PLCH1: variants seen among roughly 807,000 people sequenced by gnomAD.
PLCH1 encodes the protein phospholipase C eta 1.
A neutral mutation model predicts 126.7 loss-of-function variants in PLCH1; 60 were observed. The observed-to-expected ratio is 0.47, with a 90% CI of 0.38 to 0.59. PLCH1 has a LOEUF of 0.59. Among genes scored for constraint, PLCH1 ranks in the 20% least tolerant of loss-of-function variants. PLCH1 has a pLI of 0.00. For synonymous variants in PLCH1, 719 were observed against 734.9 expected (o/e 0.98, Z 0.35); for missense variants, 1,723 against 2,040.0 (o/e 0.84, Z 2.99).
intron 2 of PLCH1, among the ~76,000 whole-genome samples, chr3:155,646,417 G>A (rs536893301): frequency 6.6e-6 from 1 of 152,224 alleles, no homozygotes; most frequent in Non-Finnish European, 1.5e-5. Flanking sequence ...ACAGCGACCA[G>A]CTAGTGTCAC....
Position 155,481,761 on chromosome 3 carries a change from T to G in PLCH1, c.4265A>C (p.Gln1422Pro). 1 of 1,614,202 alleles carries G rather than the reference T, an allele frequency of 6.2e-7. No individual in the cohort carries two copies. The highest frequency in any genetic ancestry group is 8.5e-7 in the Non-Finnish European group (1 of 1,180,006). ...CTGATAGGCTAGATAAGAAATACTTTGAGTTTTGACATCTTGAATATTGTT... is the reference window on the plus strand; with the variant it reads ...CTGATAGGCTAGATAAGAAATACTTGGAGTTTTGACATCTTGAATATTGTT... ...IFNNIQDVKTQSISYLAYQGA... is the reference protein window; with the variant it reads ...IFNNIQDVKTPSISYLAYQGA... The change falls in exon 23 of 23, where the codon CAA becomes CCA. Residue 1422 changes from glutamine (Q) to proline (P), a missense_variant. Gln to Pro is a moderately conservative substitution (Grantham distance 76). Coordinates refer to ENST00000460012, the MANE Select transcript of PLCH1 (RefSeq NM_014996.4). The surrounding 1 kb of genome is among the most constrained non-coding windows in gnomAD (Gnocchi z 4.2).
intron 14 of PLCH1, among the ~76,000 whole-genome samples, chr3:155,500,196 A>G (rs1169465962): frequency 2.0e-5 from 3 of 152,194 alleles, no homozygotes; most frequent in Non-Finnish European, 4.4e-5. Context: ...ACAAAAAAGA[A>G]CTTTTTTTGA....
chr3:155,640,282 ACCTCTTGTG>A (rs1470040978), intron 2 of PLCH1, among the ~76,000 whole-genome samples: 1 of 152,200 alleles, frequency 6.6e-6, no homozygotes, highest in Non-Finnish European at 1.5e-5. Flanking sequence ...CTCCCAGTTC[ACCTCTTGTG>A]AACCCTGGTC....
chr3:155,472,687 C>A (rs1161657068), intron 21 of PLCH1, among the ~76,000 whole-genome samples: 16 of 151,136 alleles, frequency 1.1e-4, no homozygotes, highest in African/African-American at 3.2e-4. Flanking sequence ...CAATAAAATA[C>A]TGGCAAAACG....
chr3:155,560,915 T>C (rs1267993168), intron 8 of PLCH1, among the ~76,000 whole-genome samples: 1 of 152,182 alleles, frequency 6.6e-6, no homozygotes, highest in Non-Finnish European at 1.5e-5. Flanking sequence ...CCAGCTTACC[T>C]TCGAGGGCAC....
intron 1 of PLCH1, among the ~76,000 whole-genome samples, chr3:155,731,189 C>T (rs1748746491): frequency 1.3e-5 from 2 of 152,224 alleles, no homozygotes; most frequent in South Asian, 4.1e-4. Context: ...TAGGCCAACC[C>T]TAGGGCCATG....
At chr3:155,565,207 C>A in intron 7 of PLCH1, 89 bp from the exon 8 acceptor site, 1 of 774,072 alleles carries the variant, frequency 1.3e-6, no homozygotes, top group South Asian at 1.7e-5. Context: ...AAAAAATGTT[C>A]ATAATGATTA....
At chr3:155,494,560 C>T (rs1323931169) in intron 15 of PLCH1, 43 bp from the exon 16 acceptor site, 1 of 1,443,922 alleles carries the variant, frequency 6.9e-7, no homozygotes, top group South Asian at 1.2e-5. Context: ...AGAACTACAG[C>T]AAAGAAAACA....
At chr3:155,489,769 T>G (rs913070632) in intron 19 of PLCH1, among the ~76,000 whole-genome samples, 1 of 152,218 alleles carries the variant, frequency 6.6e-6, no homozygotes, top group Admixed American at 6.5e-5. Flanking sequence ...CTCCATAAGT[T>G]TCTGTTTTTC....
intron 10 of PLCH1, among the ~76,000 whole-genome samples, chr3:155,541,837 C>CAA (rs1724287283): frequency 6.6e-6 from 1 of 151,714 alleles, no homozygotes; most frequent in African/African-American, 2.4e-5. Flanking sequence ...CACACTCACA[C>CAA]AAAATGCAGT....
chr3:155,564,763 A>C, intron 8 of PLCH1, 152 bp downstream of exon 8: 1 of 567,706 alleles, frequency 1.8e-6, no homozygotes, highest in South Asian at 2.6e-5. Context: ...AGAGAGAATT[A>C]TGAGTTAAGA....
At chr3:155,464,704 T>C (rs1712864767) in intron 21 of PLCH1, among the ~76,000 whole-genome samples, 1 of 152,184 alleles carries the variant, frequency 6.6e-6, no homozygotes, top group African/African-American at 2.4e-5. Flanking sequence ...CCAAAGCTTT[T>C]ATTAAAATTT....
intron 4 of PLCH1, among the ~76,000 whole-genome samples, chr3:155,589,822 T>C (rs1370560536): frequency 1.3e-5 from 2 of 152,238 alleles, no homozygotes; most frequent in Non-Finnish European, 2.9e-5. Flanking sequence ...AAACTGCTTA[T>C]TAAGTGCTAG....
intron 2 of PLCH1, among the ~76,000 whole-genome samples, chr3:155,610,857 T>C (rs1400859981): frequency 6.6e-6 from 1 of 151,436 alleles, no homozygotes; most frequent in Non-Finnish European, 1.5e-5. Context: ...TAACAGTACA[T>C]CACTTTCAAT....
At chr3:155,550,984 TA>T (rs1340931978) in intron 9 of PLCH1, among the ~76,000 whole-genome samples, 4 of 152,200 alleles carry the variant, frequency 2.6e-5, no homozygotes, top group Non-Finnish European at 5.9e-5. Flanking sequence ...TAGGTTTCCT[TA>T]CTCGACTACA....
intron 2 of PLCH1, among the ~76,000 whole-genome samples, chr3:155,684,678 A>G (rs904419129): frequency 2.0e-5 from 3 of 152,212 alleles, no homozygotes; most frequent in Non-Finnish European, 4.4e-5. Context: ...CCAAGGAAAG[A>G]GATTGTACTG....
intron 1 of PLCH1, among the ~76,000 whole-genome samples, chr3:155,729,396 T>C (rs1173262445): frequency 6.6e-6 from 1 of 152,034 alleles, no homozygotes; most frequent in Non-Finnish European, 1.5e-5. Context: ...AAGTGGGGGA[T>C]CTGTGCCCAA....
At chr3:155,674,572 T>A (rs988531791) in intron 2 of PLCH1, among the ~76,000 whole-genome samples, 3 of 152,192 alleles carry the variant, frequency 2.0e-5, no homozygotes, top group African/African-American at 7.2e-5. Context: ...CCAAGATGGC[T>A]AGTCAGTAAT....
chr3:155,594,891 C>T (rs1291722658), intron 3 of PLCH1, among the ~76,000 whole-genome samples: 1 of 152,136 alleles, frequency 6.6e-6, no homozygotes, highest in African/African-American at 2.4e-5. Context: ...TGTTTTGCAA[C>T]ATGCATAAGA....
Sources: allele counts gnomAD v4.1 joint callset (sites outside exome capture counted in the v4.1 genomes callset), GRCh38; gene constraint gnomAD v4.1.1; non-coding constraint Gnocchi (gnomAD v3.1); transcripts MANE v1.5; gene names NCBI Gene and HGNC (gene_info 2026-07-23, HGNC 2026-07-21).